FARSB: variants seen among roughly 807,000 people sequenced by gnomAD.
FARSB encodes the protein phenylalanine--tRNA ligase beta subunit.
Under a neutral mutation model 69.6 loss-of-function variants are expected in FARSB, and 40 were observed. That is an observed-to-expected ratio of 0.57 (90% confidence interval 0.45 to 0.75). The LOEUF (loss-of-function observed/expected upper bound fraction) is 0.75, where lower values mean the gene tolerates loss of function less well. Ranked by LOEUF, FARSB falls within the 30% of genes least tolerant of loss-of-function variation. The pLI, the probability that FARSB is intolerant of heterozygous loss-of-function variation, is 0.00. For missense variants in FARSB, 632 were observed against 722.9 expected (o/e 0.87, Z 1.44); for synonymous variants, 235 against 247.2 (o/e 0.95, Z 0.46).
At chr2:222,573,753 A>G (rs1689769220) in intron 16 of FARSB, among the ~76,000 whole-genome samples, 1 of 152,244 alleles carries the variant, frequency 6.6e-6, no homozygotes, top group Non-Finnish European at 1.5e-5. Context: ...ATACAGAGCT[A>G]GACTTGAATA....
chr2:222,616,365 G>A lies in FARSB; in HGVS notation c.1345-2437C>T, dbSNP rs560934231. On this transcript the variant is annotated intron_variant, in intron 14 of 16. Coordinates refer to ENST00000281828, the MANE Select transcript of FARSB (RefSeq NM_005687.5). ...AGATTGAGACCATCCTGGCCAACAC[G>A]GTGAAACCCCGTCTCTACTAAAAAT... Among the ~76,000 whole-genome samples the A allele has an allele frequency of 1.6e-4, 25 of 152,184 alleles. 1 individual carries two copies. Among genetic ancestry groups the A allele is most frequent in the African/African-American group, 4.6e-4 (19 of 41,514 alleles).
At chr2:222,638,370 T>G (rs1309845350) in intron 5 of FARSB, among the ~76,000 whole-genome samples, 1 of 152,230 alleles carries the variant, frequency 6.6e-6, no homozygotes, top group Non-Finnish European at 1.5e-5. Context: ...CTGTTTAGAT[T>G]AAAATAACTT....
rs1574904389 is a variant in FARSB, at chr2:222,572,132, T to G, written c.1619-110A>C. The stretch of plus-strand genomic sequence containing the variant: ...ACTTTAAAAATAACTATTCTTTAAA[T>G]CACTGGCTATGAAAAGAGAACGCTT... On this transcript the variant is annotated intron_variant, in intron 16 of 16. Transcript: ENST00000281828. The G allele has an allele frequency of 3.4e-6, 3 of 870,378 alleles. No homozygotes were observed. The East Asian group carries it at 8.5e-5, about 25-fold the overall frequency. 53.9% of individuals were successfully genotyped at this position (870,378 alleles called of 1,614,324 possible). A position where few individuals can be genotyped will look rare whatever the true frequency, so the allele number is the denominator to read the frequency against.
At chr2:222,583,944 GAGT>G (rs1199612948) in intron 16 of FARSB, among the ~76,000 whole-genome samples, 1 of 152,154 alleles carries the variant, frequency 6.6e-6, no homozygotes, top group African/African-American at 2.4e-5. Flanking sequence ...GCAGAACTGT[GAGT>G]CAATTAAACC....
chr2:222,588,512 G>A (rs1050771501), intron 16 of FARSB, among the ~76,000 whole-genome samples: 8 of 152,146 alleles, frequency 5.3e-5, no homozygotes, highest in African/African-American at 1.9e-4. Context: ...TCTGGCCAGG[G>A]CAATTAGGCA....
At chr2:222,626,408 TAAC>T (rs771638637) in intron 10 of FARSB, among the ~76,000 whole-genome samples, 4 of 152,018 alleles carry the variant, frequency 2.6e-5, no homozygotes, top group Non-Finnish European at 5.9e-5. Context: ...TTCTATGAAA[TAAC>T]AAAACACAAG....
At position 222,567,962 on chromosome 2, in the gene FARSB, G is replaced by C. The variant is rs1559183762; in HGVS notation, c.*3909C>G. On this transcript the variant is annotated 3_prime_UTR_variant, in exon 17 of 17. Coordinates refer to ENST00000281828, the MANE Select transcript of FARSB (RefSeq NM_005687.5). ...AATATTACCTCATTTAAAAGAATGAGATAGGTCTATAGGCACTGACCTGAA... is the reference window on the plus strand; with the variant it reads ...AATATTACCTCATTTAAAAGAATGACATAGGTCTATAGGCACTGACCTGAA... 1 of 152,166 alleles carries C rather than the reference G, an allele frequency of 6.6e-6. No individual in the cohort carries two copies. The highest frequency in any genetic ancestry group is 1.5e-5 in the Non-Finnish European group (1 of 68,026). 9.4% of individuals were successfully genotyped at this position (152,166 alleles called of 1,614,324 possible).
chr2:222,633,068 A>G, intron 7 of FARSB, 131 bp downstream of exon 7: 1 of 635,946 alleles, frequency 1.6e-6, no homozygotes, highest in Non-Finnish European at 2.8e-6. Flanking sequence ...ATTAGAATCT[A>G]CAAAAGACCT....
chr2:222,634,542 C>G lies in FARSB; in HGVS notation c.456-1G>C. ...ACCAATGGCAACCAGTGCTCTTTTC[C>G]TAATTGTTGAGAGGTTGAGGGAGAA... On this transcript the variant is annotated splice_acceptor_variant, in intron 5 of 16. Coordinates refer to ENST00000281828, the MANE Select transcript of FARSB (RefSeq NM_005687.5). LOFTEE classifies it high-confidence loss of function. 2.5e-6 allele frequency: 4 copies of G among 1,609,354 alleles called. No homozygotes were observed. The highest frequency in any genetic ancestry group is 3.4e-6 in the Non-Finnish European group (4 of 1,177,676).
chr2:222,612,734 G>A (rs1349162145), intron 15 of FARSB, among the ~76,000 whole-genome samples: 2 of 152,216 alleles, frequency 1.3e-5, no homozygotes, highest in African/African-American at 4.8e-5. Context: ...AGGGACCAAT[G>A]CACATACAGC....
At chr2:222,635,043 T>C (rs1440785905) in intron 5 of FARSB, among the ~76,000 whole-genome samples, 3 of 152,228 alleles carry the variant, frequency 2.0e-5, no homozygotes, top group Non-Finnish European at 4.4e-5. Context: ...TCAACAGCTC[T>C]GAATTACAGT....
At chr2:222,586,825 C>T (rs1304381519) in intron 16 of FARSB, among the ~76,000 whole-genome samples, 1 of 152,178 alleles carries the variant, frequency 6.6e-6, no homozygotes, top group Non-Finnish European at 1.5e-5. Flanking sequence ...AATATATATG[C>T]ACCCAATACA....
rs371470405 is a variant in FARSB at position 222,619,676 on chromosome 2, T to C, written c.1313A>G (p.His438Arg). 1 of 1,605,892 alleles carries C rather than the reference T, an allele frequency of 6.2e-7. No homozygotes were observed. Among genetic ancestry groups the C allele is most frequent in the Non-Finnish European group, 8.5e-7 (1 of 1,173,060 alleles). Residue 438 changes from histidine to arginine, a missense_variant, in exon 14 of 17, where the codon CAC becomes CGC. Transcript: ENST00000281828. ...TTCAGCTGTTTTAGGATTACTTATGTGGACTGCCTTTGTTGCAGAGATATC... is the reference window on the plus strand; with the variant it reads ...TTCAGCTGTTTTAGGATTACTTATGCGGACTGCCTTTGTTGCAGAGATATC... ...GVDISATKAV[H>R]ISNPKTAEFQ...
intron 16 of FARSB, among the ~76,000 whole-genome samples, chr2:222,583,502 A>T (rs1690025357): frequency 1.3e-5 from 2 of 152,236 alleles, no homozygotes; most frequent in Admixed American, 6.5e-5. Flanking sequence ...TTAGTGAAGA[A>T]ACATCAGACA....
chr2:222,586,770 A>G (rs1044337187), intron 16 of FARSB, among the ~76,000 whole-genome samples: 2 of 152,240 alleles, frequency 1.3e-5, no homozygotes, highest in Non-Finnish European at 2.9e-5. Flanking sequence ...AGGCCATTAT[A>G]TAATGGTAAA....
At chr2:222,648,684 G>T in intron 2 of FARSB, 56 bp downstream of exon 2, 1 of 1,078,018 alleles carries the variant, frequency 9.3e-7, no homozygotes, top group Non-Finnish European at 1.4e-6. Context: ...GTATAACCCT[G>T]AAAAATAAGC....
At chr2:222,608,579 T>C (rs1690765928) in intron 15 of FARSB, among the ~76,000 whole-genome samples, 2 of 152,152 alleles carry the variant, frequency 1.3e-5, no homozygotes, top group Admixed American at 6.6e-5. Flanking sequence ...GGAACAAGAA[T>C]CTTAAACATA....
intron 16 of FARSB, among the ~76,000 whole-genome samples, chr2:222,577,872 G>T (rs1367909896): frequency 6.6e-6 from 1 of 152,166 alleles, no homozygotes; most frequent in Non-Finnish European, 1.5e-5. Context: ...AAATGCTCGG[G>T]AAACGTTGAG....
At chr2:222,614,263 T>C (rs550838410) in intron 14 of FARSB, among the ~76,000 whole-genome samples, 6 of 152,232 alleles carry the variant, frequency 3.9e-5, no homozygotes, top group Non-Finnish European at 7.3e-5. Flanking sequence ...TTTTATTTTT[T>C]CTTTTTTTAG....
Sources: allele counts gnomAD v4.1 joint callset (sites outside exome capture counted in the v4.1 genomes callset), GRCh38; gene constraint gnomAD v4.1.1; transcripts MANE v1.5; gene names NCBI Gene and HGNC (gene_info 2026-07-23, HGNC 2026-07-21).